Variants in HMCN1 observed in about 807,000 individuals in gnomAD.
HMCN1 encodes hemicentin-1.
Under a neutral mutation model 625.9 loss-of-function variants are expected in HMCN1, and 321 were observed. The observed-to-expected ratio is 0.51, with a 90% CI of 0.47 to 0.56. The LOEUF is 0.56. Ranked by LOEUF, HMCN1 falls within the 20% of genes least tolerant of loss-of-function variation. The probability of loss-of-function intolerance (pLI) is 0.00; values close to 1 mark genes in which losing one functional copy is unlikely to be tolerated. For synonymous variants in HMCN1, 2,425 were observed against 2,417.6 expected, an observed-to-expected ratio of 1.00 and a Z score of -0.09; for missense variants, 6,588 against 6,887.3, an observed-to-expected ratio of 0.96 and a Z score of 1.54.
At chr1:186,016,830 C>G in intron 32 of HMCN1, 133 bp from the exon 33 acceptor site, 1 of 701,462 alleles carries the variant, frequency 1.4e-6, no homozygotes, top group Non-Finnish European at 2.7e-6. Flanking sequence ...CAATGCATTT[C>G]AAGTCCCCTT....
chr1:185,963,264 GTGATCCA>G (rs1650158445), intron 12 of HMCN1, among the ~76,000 whole-genome samples: 1 of 152,104 alleles, frequency 6.6e-6, no homozygotes, highest in African/African-American at 2.4e-5. Context: ...AGTCATACGT[GTGATCCA>G]GCCAGTTGAG....
chr1:185,939,025 T>C (rs1667955867), intron 11 of HMCN1, among the ~76,000 whole-genome samples: 1 of 152,108 alleles, frequency 6.6e-6, no homozygotes, highest in Non-Finnish European at 1.5e-5. Flanking sequence ...ATACCAAACA[T>C]ATAGCTTTCT....
At chr1:186,160,840 A>C (rs1265455264) in intron 97 of HMCN1, among the ~76,000 whole-genome samples, 1 of 150,570 alleles carries the variant, frequency 6.6e-6, no homozygotes, top group Non-Finnish European at 1.5e-5. Context: ...TTTACTTCCA[A>C]GTATGTGGTC....
At chr1:185,772,310 T>A (rs1656299109) in intron 1 of HMCN1, among the ~76,000 whole-genome samples, 1 of 152,106 alleles carries the variant, frequency 6.6e-6, no homozygotes, top group Non-Finnish European at 1.5e-5. Context: ...CTCTCAAAAC[T>A]GGAGGAAAGC....
At chr1:185,773,586 T>C (rs1376099603) in intron 1 of HMCN1, among the ~76,000 whole-genome samples, 1 of 152,122 alleles carries the variant, frequency 6.6e-6, no homozygotes, top group Non-Finnish European at 1.5e-5. Context: ...TTCAGGGCTT[T>C]GATGTACATT....
intron 97 of HMCN1, among the ~76,000 whole-genome samples, chr1:186,157,112 G>C (rs982181678): frequency 2.0e-5 from 3 of 152,150 alleles, no homozygotes; most frequent in African/African-American, 7.2e-5. Flanking sequence ...AATTAGTCAA[G>C]CTTGGCAATT....
intron 2 of HMCN1, among the ~76,000 whole-genome samples, chr1:185,846,343 GAGTTGAGT>G (rs1391996760): frequency 2.6e-5 from 4 of 152,178 alleles, no homozygotes; most frequent in African/African-American, 9.6e-5. Flanking sequence ...TATCACGGCA[GAGTTGAGT>G]AGTTGTGGCA....
chr1:186,056,743 G>A (rs560847589), intron 45 of HMCN1, among the ~76,000 whole-genome samples: 1 of 152,012 alleles, frequency 6.6e-6, no homozygotes, highest in South Asian at 2.1e-4. Flanking sequence ...GGGGACTACT[G>A]AAGGGGAAGG....
At chr1:185,982,820 G>GT (rs1347366050) in intron 18 of HMCN1, among the ~76,000 whole-genome samples, 2 of 151,966 alleles carry the variant, frequency 1.3e-5, no homozygotes, top group African/African-American at 4.8e-5. Flanking sequence ...ACAAAAATAT[G>GT]TTTTTATAAG....
intron 4 of HMCN1, among the ~76,000 whole-genome samples, chr1:185,896,965 A>T (rs74134355): frequency 6.6e-6 from 1 of 152,188 alleles, no homozygotes; most frequent in African/African-American, 2.4e-5. Flanking sequence ...TTAATTGGCA[A>T]AGTATTGATT....
intron 4 of HMCN1, among the ~76,000 whole-genome samples, chr1:185,870,036 T>TAAA (rs1553252271): frequency 1.3e-5 from 2 of 149,014 alleles, no homozygotes; most frequent in African/African-American, 4.9e-5. Context: ...TTTTTTTTTT[T>TAAA]AAAAAAAAAC....
intron 64 of HMCN1, among the ~76,000 whole-genome samples, chr1:186,092,800 C>A (rs1659911555): frequency 6.6e-6 from 1 of 151,882 alleles, no homozygotes; most frequent in Admixed American, 6.6e-5. Flanking sequence ...GTAATTTTTT[C>A]AGTTTCTCAT....
intron 97 of HMCN1, 44 bp from the exon 98 acceptor site, chr1:186,165,067 C>A (rs776485532): frequency 6.5e-7 from 1 of 1,549,520 alleles, no homozygotes; most frequent in South Asian, 1.1e-5. Context: ...CCAGGGGCAA[C>A]TATTCCAATA....
intron 73 of HMCN1, among the ~76,000 whole-genome samples, chr1:186,114,484 C>A (rs1258566336): frequency 6.6e-6 from 1 of 152,230 alleles, no homozygotes; most frequent in Non-Finnish European, 1.5e-5. Context: ...GTCTCGAACT[C>A]CTGACCTCAG....
Position 186,007,202 on chromosome 1 carries a change from G to T in HMCN1, c.4550G>T (p.Arg1517Ile). ...GQVLHLKNARRNDKGRYQCTV... is the reference protein window; with the variant it reads ...GQVLHLKNARINDKGRYQCTV... ...GTCTTACATTTAAAGAATGCACGGAGAAATGACAAGGGGCGCTACCAATGT... is the reference window on the plus strand; with the variant it reads ...GTCTTACATTTAAAGAATGCACGGATAAATGACAAGGGGCGCTACCAATGT... The change falls in exon 30 of 107, where the codon AGA (arginine) becomes ATA (isoleucine). Residue 1517 changes from arginine (R) to isoleucine (I), a missense_variant. Transcript: ENST00000271588. 1 of 1,613,450 alleles carries T rather than the reference G, an allele frequency of 6.2e-7. No individual in the cohort carries two copies. The highest frequency in any genetic ancestry group is 1.3e-5 in the African/African-American group (1 of 75,020).
chr1:186,111,137 G>C (rs10911821), intron 71 of HMCN1, among the ~76,000 whole-genome samples: 94,615 of 149,946 alleles, frequency 0.63, 32,014 homozygotes, highest in African/African-American at 0.89. Context: ...CCCACCACCA[G>C]GCCCGGCTAC....
At chr1:185,859,018 GA>G (rs1662687307) in intron 2 of HMCN1, among the ~76,000 whole-genome samples, 1 of 109,992 alleles carries the variant, frequency 9.1e-6, no homozygotes, top group African/African-American at 3.7e-5. Context: ...GTGGGTTAAA[GA>G]TGTGTGTGTG....
At chr1:185,900,981 G>A (rs977977752) in intron 4 of HMCN1, among the ~76,000 whole-genome samples, 6 of 151,886 alleles carry the variant, frequency 4.0e-5, no homozygotes, top group Admixed American at 1.3e-4. Flanking sequence ...AATGTTGGTA[G>A]TTCCCATCCA....
At chr1:185,943,024 G>C (rs1316601016) in intron 11 of HMCN1, among the ~76,000 whole-genome samples, 2 of 152,030 alleles carry the variant, frequency 1.3e-5, no homozygotes, top group Non-Finnish European at 2.9e-5. Context: ...ATGTTTGCCA[G>C]TTTATTAATG....
Sources: gnomAD v4.1 joint callset for allele counts (sites outside exome capture counted in the v4.1 genomes callset) on GRCh38, gnomAD v4.1.1 for gene constraint, MANE v1.5 for transcripts, NCBI Gene and HGNC (gene_info 2026-07-23, HGNC 2026-07-21) for gene names.